The following AP1S2 variants were observed in gnomAD, a reference collection of about 807,000 sequenced individuals.
AP1S2 encodes adaptor related protein complex 1 subunit sigma 2.
In AP1S2, 1 loss-of-function variant was observed where a neutral mutation model predicts 14.3. That is an observed-to-expected ratio of 0.07 (90% CI 0.02 to 0.33). AP1S2 has a LOEUF of 0.33. Among genes scored for constraint, AP1S2 ranks in the 10% least tolerant of loss-of-function variants. AP1S2 has a pLI of 0.99. For missense variants in AP1S2, 30 were observed against 117.7 expected (o/e 0.25, Z 3.45); for synonymous variants, 30 against 40.5 (o/e 0.74, Z 0.99).
At chrX:15,854,468 G>A (rs1462273573) in intron 1 of AP1S2, among the ~76,000 whole-genome samples, 1 of 112,384 alleles carries the variant, frequency 8.9e-6, no homozygotes, top group Non-Finnish European at 1.9e-5. Context: ...AGGCTGTCGC[G>A]GAGCCCGGGA....
intron 4 of AP1S2, among the ~76,000 whole-genome samples, chrX:15,836,556 C>T (rs1452128068): frequency 8.9e-6 from 1 of 112,226 alleles, no homozygotes; most frequent in Non-Finnish European, 1.9e-5. Context: ...AGACAAATCA[C>T]TTTATCTACC....
chrX:15,832,138 T>G, intron 4 of AP1S2: 1 of 749,522 alleles, frequency 1.3e-6, no homozygotes, highest in Non-Finnish European at 1.6e-6. Flanking sequence ...AAGACAGATT[T>G]TAACGAACTC....
intron 2 of AP1S2, among the ~76,000 whole-genome samples, chrX:15,851,230 T>G (rs1934166621): frequency 8.9e-6 from 1 of 112,506 alleles, no homozygotes; most frequent in Admixed American, 9.4e-5. Context: ...AAACACTGGA[T>G]ACAAAATCAC....
chrX:15,840,624 A>G (rs1230838327), intron 4 of AP1S2: 1 of 827,787 alleles, frequency 1.2e-6, no homozygotes, highest in South Asian at 2.2e-5. Flanking sequence ...AAAACTGGTA[A>G]GTGCTTGACT....
intron 4 of AP1S2, among the ~76,000 whole-genome samples, chrX:15,835,067 T>C (rs192600884): frequency 1.8e-5 from 2 of 111,737 alleles, no homozygotes; most frequent in African/African-American, 3.2e-5. Flanking sequence ...ACTGATAAAA[T>C]AGGAATTATC....
chrX:15,845,851 G>T, intron 3 of AP1S2, 52 bp downstream of exon 3: 1 of 1,021,295 alleles, frequency 9.8e-7, no homozygotes, highest in South Asian at 1.9e-5. Context: ...TTAGAGAAAA[G>T]GTTCCAAAAT....
intron 1 of AP1S2, among the ~76,000 whole-genome samples, chrX:15,853,289 A>G (rs926186526): frequency 5.3e-5 from 6 of 112,590 alleles, no homozygotes. Flanking sequence ...AATAAAAAAT[A>G]GTATCTACAG....
intron 4 of AP1S2, chrX:15,833,476 G>A: frequency 1.1e-6 from 1 of 883,123 alleles, no homozygotes; most frequent in Non-Finnish European, 1.4e-6. Context: ...TCTTCATAGG[G>A]AGAAACCCCT....
intron 4 of AP1S2, among the ~76,000 whole-genome samples, chrX:15,839,619 T>G (rs901677909): frequency 9.2e-6 from 1 of 108,263 alleles, no homozygotes; most frequent in African/African-American, 3.4e-5. Context: ...TAGCTTGGAC[T>G]ACAGACACAC....
At chrX:15,843,643 T>A (rs1933910041) in intron 4 of AP1S2, among the ~76,000 whole-genome samples, 1 of 112,082 alleles carries the variant, frequency 8.9e-6, no homozygotes, top group East Asian at 2.8e-4. Context: ...TTAAAGCCAA[T>A]GTAATTAATC....
At chrX:15,832,935 T>C (rs1337925071) in intron 4 of AP1S2, 2 of 1,093,391 alleles carry the variant, frequency 1.8e-6, no homozygotes, top group Non-Finnish European at 2.4e-6. Flanking sequence ...TGCATGTCAG[T>C]ACTCCAGCAC....
intron 5 of AP1S2, among the ~76,000 whole-genome samples, chrX:15,827,977 T>G (rs1933315103): frequency 9.0e-6 from 1 of 111,359 alleles, no homozygotes; most frequent in Non-Finnish European, 1.9e-5. Flanking sequence ...AGCACTGGTT[T>G]TTAAGTGTCA....
chrX:15,852,179 A>T (rs1344208963), intron 2 of AP1S2, among the ~76,000 whole-genome samples, 167 bp downstream of exon 2: 2 of 112,584 alleles, frequency 1.8e-5, no homozygotes, highest in Non-Finnish European at 3.8e-5. Flanking sequence ...CTCAGTAATT[A>T]TCAATCAAAA....
chrX:15,848,657 G>A (rs1934071581), intron 2 of AP1S2, among the ~76,000 whole-genome samples: 1 of 111,908 alleles, frequency 8.9e-6, no homozygotes, highest in Non-Finnish European at 1.9e-5. Flanking sequence ...GTGCCTATTT[G>A]TAAGTCTAAA....
Position 15,844,864 on chromosome X carries a change from G to C in AP1S2, c.426+515C>G, listed in dbSNP as rs1457687573. The C allele has an allele frequency of 4.8e-5, 19 of 394,720 alleles. No individual in the cohort carries two copies. In the African/African-American group the frequency reaches 5.0e-4, roughly 10 times the overall value. The allele number at this position is 394,720 out of a possible 1,213,427, so 32.5% of individuals were successfully genotyped here. A position where few individuals can be genotyped will look rare whatever the true frequency, so the allele number is the denominator to read the frequency against. ...TAGTTTTGCTAACAAAAAAAACCTG[G>C]AAGTTTCTACAAAAAGTATAATTAG... On this transcript the variant is annotated intron_variant, in intron 4 of 5. Coordinates refer to ENST00000672987, the MANE Select transcript of AP1S2 (RefSeq NM_001272071.2).
At chrX:15,828,141 T>C in intron 5 of AP1S2, 51 bp downstream of exon 5, 1 of 1,004,826 alleles carries the variant, frequency 1.0e-6, no homozygotes, top group African/African-American at 1.9e-5. Context: ...CAACACTATA[T>C]TTTAATGATG....
At chrX:15,837,915 T>A (rs1275610661) in intron 4 of AP1S2, among the ~76,000 whole-genome samples, 1 of 111,551 alleles carries the variant, frequency 9.0e-6, no homozygotes, top group Non-Finnish European at 1.9e-5. Context: ...TAGGAATGAT[T>A]TTTATAGCTA....
At position 15,829,896 on chromosome X, in the gene AP1S2, C is replaced by CTT. The variant is rs758673079; in HGVS notation, c.427-1698_427-1697dup. ...TCTGCTGCACAACAATGTGAATAAA[C>CTT]TTAACTAACACAACTGAACTGTACA... is the stretch of plus-strand genomic sequence containing the variant. On this transcript the variant is annotated intron_variant, in intron 4 of 5. Coordinates refer to ENST00000672987, the MANE Select transcript of AP1S2 (RefSeq NM_001272071.2). 2.7e-3 allele frequency among the ~76,000 whole-genome samples: 296 copies of CTT among 111,554 alleles called. 3 individuals carry two copies. Among genetic ancestry groups the CTT allele is most frequent in the African/African-American group, 9.3e-3 (286 of 30,780 alleles).
intron 4 of AP1S2, among the ~76,000 whole-genome samples, chrX:15,835,434 CAAG>C (rs1933602201): frequency 9.0e-6 from 1 of 111,452 alleles, no homozygotes; most frequent in African/African-American, 3.3e-5. Flanking sequence ...TGCCAAAGAC[CAAG>C]AAGGCCAGAG....
Sources: allele counts gnomAD v4.1 joint callset (sites outside exome capture counted in the v4.1 genomes callset), GRCh38; gene constraint gnomAD v4.1.1; transcripts MANE v1.5; gene names NCBI Gene and HGNC (gene_info 2026-07-23, HGNC 2026-07-21).